XRN2: variants seen among roughly 807,000 people sequenced by gnomAD.
XRN2 encodes the protein DHM1-like protein.
In XRN2, 44 loss-of-function variants were observed where a neutral mutation model predicts 138.5. The ratio of observed to expected loss-of-function variants is 0.32; its 90% CI spans 0.25 to 0.41. The LOEUF (loss-of-function observed/expected upper bound fraction) is 0.41. XRN2 is among the 10% of genes least tolerant of loss of function. The pLI is 1.00. For synonymous variants in XRN2, 354 were observed against 369.4 expected, an observed-to-expected ratio of 0.96 and a Z score of 0.48; for missense variants, 937 against 1,169.3, an observed-to-expected ratio of 0.80 and a Z score of 2.90.
chr20:21,376,946 G>A (rs1055208858), intron 27 of XRN2, among the ~76,000 whole-genome samples: 2 of 152,144 alleles, frequency 1.3e-5, no homozygotes, highest in Non-Finnish European at 2.9e-5. Context: ...TTTGGGGATT[G>A]TCTGCATATA....
rs1180206108 is a variant in XRN2 at position 21,305,553 on chromosome 20, C to CTTTTTTTTTTTTTTTTTTTTTTTTTTT, written c.75+2103_75+2104insTTTTTTTTTTTTTTTTTTTTTTTTTTT. ...ACAGGCATGAGCCACCATACGTGGC[C>CTTTTTTTTTTTTTTTTTTTTTTTTTTT]TTTTTTTTTTTTTTTTTTTTTTTGG... On this transcript the variant is annotated intron_variant, in intron 1 of 29. Transcript: ENST00000377191. Among the ~76,000 whole-genome samples the CTTTTTTTTTTTTTTTTTTTTTTTTTTT allele has an allele frequency of 1.0e-4, 2 of 19,842 alleles. 1 individual carries two copies. Among genetic ancestry groups the CTTTTTTTTTTTTTTTTTTTTTTTTTTT allele is most frequent in the African/African-American group, 2.0e-4 (2 of 10,150 alleles). The allele number at this position is 19,842 out of a possible 152,430, so 13.0% of individuals were successfully genotyped here.
At chr20:21,303,860 A>G (rs1236618570) in intron 1 of XRN2, 1 of 985,310 alleles carries the variant, frequency 1.0e-6, no homozygotes, top group East Asian at 1.1e-4. Flanking sequence ...CAGCTGAGCT[A>G]GCGGGTTATG....
Position 21,348,130 on chromosome 20 carries a change from T to C in XRN2, c.1666-16T>C. 1 of 1,579,684 alleles carries C rather than the reference T, an allele frequency of 6.3e-7. No individual in the cohort carries two copies. The highest frequency in any genetic ancestry group is 2.1e-5 in the Admixed American group (1 of 48,744). On this transcript the variant is annotated splice_polypyrimidine_tract_variant and intron_variant, in intron 17 of 29. Transcript: ENST00000377191. ...ATAGGTTTTTGATTTTGTTGTTACT[T>C]TTTTAATGATTCTAGGGCTGTGCTT... is the stretch of plus-strand genomic sequence containing the variant.
chr20:21,373,232 A>G (rs890725534), intron 27 of XRN2, among the ~76,000 whole-genome samples: 4 of 151,880 alleles, frequency 2.6e-5, no homozygotes, highest in African/African-American at 9.7e-5. Context: ...CTGGTCTCCA[A>G]CTCCTGACCT....
rs184502367 is a variant in XRN2 at position 21,328,982 on chromosome 20, A to G, written c.427+312A>G. Among the ~76,000 whole-genome samples the G allele has an allele frequency of 5.9e-5, 9 of 152,310 alleles. No homozygotes were observed. In the East Asian group the frequency reaches 1.7e-3, roughly 29 times the overall value. ...TTTTATGTCTCTGTAGAATAGAAAT[A>G]TAGTAAGTATTTTTTACTACTTTTC... is the stretch of plus-strand genomic sequence containing the variant. On this transcript the variant is annotated intron_variant, in intron 4 of 29. Transcript: ENST00000377191.
At chr20:21,364,227 C>G (rs1287993244) in intron 24 of XRN2, among the ~76,000 whole-genome samples, 5 of 152,134 alleles carry the variant, frequency 3.3e-5, no homozygotes, top group East Asian at 3.9e-4. Context: ...TGAGTTCTTC[C>G]TTTTTAGGAA....
chr20:21,326,639 T>C (rs751898750), intron 3 of XRN2, 38 bp downstream of exon 3: 1 of 1,539,034 alleles, frequency 6.5e-7, no homozygotes, highest in Non-Finnish European at 8.9e-7. Flanking sequence ...CATTTTGTTT[T>C]TTTTTGCTGT....
rs374750927 is a variant in XRN2, at chr20:21,326,418, A to T, written c.203+12A>T. The T allele has an allele frequency of 6.2e-7, 1 of 1,613,504 alleles. No homozygotes were observed. The highest frequency in any genetic ancestry group is 8.5e-7 in the Non-Finnish European group (1 of 1,179,698). ...CATCCTGAAGACAAGTACGTAACCCATTTTTGTCACTGATATAGCAAATCA... is the reference window on the plus strand; with the variant it reads ...CATCCTGAAGACAAGTACGTAACCCTTTTTTGTCACTGATATAGCAAATCA... On this transcript the variant is annotated intron_variant, in intron 2 of 29. Transcript: ENST00000377191.
At chr20:21,368,073 A>G (rs1346133878) in intron 26 of XRN2, among the ~76,000 whole-genome samples, 1 of 152,248 alleles carries the variant, frequency 6.6e-6, no homozygotes, top group Non-Finnish European at 1.5e-5. Context: ...AAGAAAAGAT[A>G]CAGGCAAGTA....
intron 24 of XRN2, among the ~76,000 whole-genome samples, chr20:21,361,722 A>G (rs1418461466): frequency 6.6e-6 from 1 of 152,232 alleles, no homozygotes; most frequent in African/African-American, 2.4e-5. Context: ...GTTTGGATCC[A>G]TATAAAAAGT....
chr20:21,350,343 A>C (rs898866305), intron 20 of XRN2, among the ~76,000 whole-genome samples: 1 of 151,908 alleles, frequency 6.6e-6, no homozygotes, highest in Non-Finnish European at 1.5e-5. Context: ...TGGCTAACAC[A>C]GTGAAACACC....
At chr20:21,334,588 C>T (rs1244888482) in intron 13 of XRN2, among the ~76,000 whole-genome samples, 2 of 152,038 alleles carry the variant, frequency 1.3e-5, no homozygotes, top group Non-Finnish European at 2.9e-5. Context: ...TTATATCAGC[C>T]AGGGCAGAGG....
chr20:21,314,347 T>C (rs1274375175), intron 1 of XRN2, among the ~76,000 whole-genome samples: 1 of 152,252 alleles, frequency 6.6e-6, no homozygotes, highest in Non-Finnish European at 1.5e-5. Context: ...TTGATAAACA[T>C]TTGAACAGTT....
chr20:21,337,175 C>G (rs1047072609), intron 13 of XRN2, among the ~76,000 whole-genome samples: 1 of 152,208 alleles, frequency 6.6e-6, no homozygotes, highest in African/African-American at 2.4e-5. Context: ...AAGGATCACT[C>G]TAGCTGCCAT....
At chr20:21,343,985 T>A in intron 15 of XRN2, 105 bp from the exon 16 acceptor site, 2 of 809,452 alleles carry the variant, frequency 2.5e-6, no homozygotes, top group Middle Eastern at 2.9e-4. Context: ...GTAGTAGCTT[T>A]AAAAATGTTA....
chr20:21,382,120 T>G (rs6047417), intron 28 of XRN2, 63 bp downstream of exon 28: 1,200,212 of 1,448,626 alleles, frequency 0.83, 499,360 homozygotes, highest in East Asian at 0.99. Context: ...GGGTTTATGG[T>G]TTTTATGGAA....
chr20:21,382,148 T>G, intron 28 of XRN2, 91 bp downstream of exon 28: 1 of 1,104,246 alleles, frequency 9.1e-7, no homozygotes, highest in Non-Finnish European at 1.3e-6. Context: ...CCTCTGTGGT[T>G]TGAAATGTAC....
Position 21,382,003 on chromosome 20 carries a change from C to T in XRN2, c.2594C>T (p.Pro865Leu). Reference sequence around the variant, plus strand: ...CCTGTTTCTTTTTCAGATATGAGGCCCCAGGATTCCTGGCGAGGTCCTCCT... The same window carrying T: ...CCTGTTTCTTTTTCAGATATGAGGCTCCAGGATTCCTGGCGAGGTCCTCCT... ...QIPKLMSNMR[P>L]QDSWRGPPPL... Residue 865 changes from proline to leucine, a missense_variant, in exon 28 of 30, where the codon CCC (proline) becomes CTC (leucine). By Grantham distance (98) the Pro-to-Leu change is moderately conservative (BLOSUM62 -3). Coordinates refer to ENST00000377191, the MANE Select transcript of XRN2 (RefSeq NM_012255.5). 6.2e-7 allele frequency: 1 copy of T among 1,607,310 alleles called. No homozygotes were observed. Among genetic ancestry groups the T allele is most frequent in the Non-Finnish European group, 8.5e-7 (1 of 1,176,154 alleles).
intron 1 of XRN2, among the ~76,000 whole-genome samples, chr20:21,316,311 C>CTTT (rs1212190877): frequency 2.0e-5 from 3 of 152,184 alleles, no homozygotes; most frequent in Non-Finnish European, 4.4e-5. Context: ...AGTTCATCTG[C>CTTT]TTTTTTCTTT....
Sources: gnomAD v4.1 joint callset for allele counts (sites outside exome capture counted in the v4.1 genomes callset) on GRCh38, gnomAD v4.1.1 for gene constraint, MANE v1.5 for transcripts, NCBI Gene and HGNC (gene_info 2026-07-23, HGNC 2026-07-21) for gene names.